EYA2: variants seen among roughly 807,000 people sequenced by gnomAD.
EYA2 encodes the protein EYA transcriptional coactivator and phosphatase 2.
EYA2 carries 31 observed loss-of-function variants against 69.2 expected under a neutral mutation model. The observed-to-expected ratio is 0.45, with a 90% CI of 0.34 to 0.60. EYA2 has a LOEUF of 0.60. Among genes scored for constraint, EYA2 ranks in the 20% least tolerant of loss-of-function variants. The pLI is 0.02. For synonymous variants in EYA2, 257 were observed against 279.4 expected (o/e 0.92, Z 0.80); for missense variants, 622 against 701.2 (o/e 0.89, Z 1.28).
At chr20:46,967,389 C>T (rs1162794528) in intron 1 of EYA2, among the ~76,000 whole-genome samples, 1 of 152,170 alleles carries the variant, frequency 6.6e-6, no homozygotes, top group Non-Finnish European at 1.5e-5. Flanking sequence ...AAGCATTATA[C>T]AATTAAATAC....
chr20:47,178,488 C>CAA (rs11472097), intron 12 of EYA2, among the ~76,000 whole-genome samples: 86,690 of 151,558 alleles, frequency 0.57, 26,670 homozygotes, highest in African/African-American at 0.82. Flanking sequence ...AGGGAACAAA[C>CAA]GAGGCCTCCA....
At chr20:46,947,888 G>A (rs1176270596) in intron 1 of EYA2, among the ~76,000 whole-genome samples, 1 of 152,126 alleles carries the variant, frequency 6.6e-6, no homozygotes, top group African/African-American at 2.4e-5. Flanking sequence ...AGGCCAAGGT[G>A]GGAGGATCTC....
chr20:47,093,321 GC>G (rs1278217310), intron 8 of EYA2, among the ~76,000 whole-genome samples: 2 of 152,248 alleles, frequency 1.3e-5, no homozygotes, highest in African/African-American at 2.4e-5. Flanking sequence ...TCTGGGTCCA[GC>G]CCATGCTGAA....
At chr20:47,113,347 A>T (rs972473013) in intron 9 of EYA2, among the ~76,000 whole-genome samples, 4 of 152,096 alleles carry the variant, frequency 2.6e-5, no homozygotes, top group Admixed American at 6.6e-5. Context: ...CTGCTGTTTC[A>T]TCCTTGAATT....
chr20:47,043,332 GT>G (rs761397706), intron 5 of EYA2, among the ~76,000 whole-genome samples: 1 of 152,186 alleles, frequency 6.6e-6, no homozygotes, highest in Admixed American at 6.5e-5. Context: ...GAAAGGGAAT[GT>G]TTTAAAAGGG....
chr20:47,035,584 G>A (rs537493954), intron 5 of EYA2, among the ~76,000 whole-genome samples: 1 of 152,264 alleles, frequency 6.6e-6, no homozygotes, highest in South Asian at 2.1e-4. Flanking sequence ...GGCAGCTTGG[G>A]ACCCTGAGGC....
intron 2 of EYA2, 102 bp from the exon 3 acceptor site, chr20:47,001,326 C>T (rs1357669757): frequency 1.0e-6 from 1 of 965,546 alleles, no homozygotes; most frequent in Admixed American, 1.7e-5. Flanking sequence ...GGGCAGCACC[C>T]CTCCAAGTCT....
intron 6 of EYA2, 149 bp downstream of exon 6, chr20:47,072,401 T>G (rs1169871465): frequency 2.8e-6 from 2 of 725,630 alleles, no homozygotes; most frequent in Non-Finnish European, 2.4e-6. Flanking sequence ...GGGGCTAGAT[T>G]GTGCAAAAGG....
intron 1 of EYA2, among the ~76,000 whole-genome samples, chr20:46,943,555 C>T (rs1206304668): frequency 2.0e-5 from 3 of 152,180 alleles, no homozygotes; most frequent in African/African-American, 7.2e-5. Flanking sequence ...AGGGAACATT[C>T]GGAGTCTCAG....
intron 1 of EYA2, among the ~76,000 whole-genome samples, chr20:46,973,718 T>G (rs1050490527): frequency 1.3e-5 from 2 of 152,028 alleles, no homozygotes; most frequent in Non-Finnish European, 2.9e-5. Context: ...CTATTCTGTC[T>G]GCTTTTGTAT....
rs917177634 is a variant in EYA2, at chr20:46,978,562, C to G, written c.-10-11439C>G. 5 of 534,768 alleles carry G rather than the reference C, an allele frequency of 9.3e-6. No individual in the cohort carries two copies. In the Admixed American group the frequency reaches 9.7e-5, roughly 10 times the overall value. 33.1% of individuals were successfully genotyped at this position (534,768 alleles called of 1,614,324 possible). ...GATATTGGACAAGGAGAAGCCAGAT[C>G]AAGGCTGTGTTCGGAACTCTTTGCT... On this transcript the variant is annotated intron_variant, in intron 1 of 15. Coordinates refer to ENST00000327619, the MANE Select transcript of EYA2 (RefSeq NM_005244.5).
chr20:47,169,064 C>A, intron 10 of EYA2, 75 bp from the exon 11 acceptor site: 2 of 1,414,534 alleles, frequency 1.4e-6, no homozygotes, highest in Non-Finnish European at 2.0e-6. Context: ...GCTTATGAGG[C>A]CAACCCTTGA....
chr20:47,049,154 A>G (rs1446552920), intron 5 of EYA2, among the ~76,000 whole-genome samples: 1 of 149,944 alleles, frequency 6.7e-6, no homozygotes, highest in South Asian at 2.1e-4. Context: ...TCTATTTTAA[A>G]TTAAGTTTAG....
Position 46,987,916 on chromosome 20 carries a change from G to GACTCTCTCTCCCTCTCCCTC in EYA2, c.-10-2085_-10-2084insACTCTCTCTCCCTCTCCCTC, listed in dbSNP as rs56288405. ...TACTCCAGCCTGGAAGACAGAGTAA[G>GACTCTCTCTCCCTCTCCCTC]TCTCTCTCTCTCTCTCTCTCTCTCT... On this transcript the variant is annotated intron_variant, in intron 1 of 15. Coordinates refer to ENST00000327619, the MANE Select transcript of EYA2 (RefSeq NM_005244.5). Among the ~76,000 whole-genome samples the GACTCTCTCTCCCTCTCCCTC allele has an allele frequency of 9.8e-5, 2 of 20,352 alleles. 1 individual carries two copies. The highest frequency in any genetic ancestry group is 1.9e-4 in the Non-Finnish European group (2 of 10,418). The allele number at this position is 20,352 out of a possible 152,430, so 13.4% of individuals were successfully genotyped here.
intron 1 of EYA2, among the ~76,000 whole-genome samples, chr20:46,913,721 G>C (rs1335398897): frequency 6.6e-6 from 1 of 152,152 alleles, no homozygotes; most frequent in Non-Finnish European, 1.5e-5. Flanking sequence ...TATGAAGAGA[G>C]GAGTCCAAGG....
intron 5 of EYA2, among the ~76,000 whole-genome samples, chr20:47,016,933 G>C (rs6066164): frequency 6.6e-6 from 1 of 152,216 alleles, no homozygotes; most frequent in Non-Finnish European, 1.5e-5. Flanking sequence ...GTCTATTGTA[G>C]AGACTCAGAA....
intron 1 of EYA2, among the ~76,000 whole-genome samples, chr20:46,909,382 A>T (rs1156337946): frequency 6.6e-6 from 1 of 152,106 alleles, no homozygotes; most frequent in African/African-American, 2.4e-5. Flanking sequence ...GGAAAGCTCC[A>T]GGAGCTTTTT....
intron 2 of EYA2, among the ~76,000 whole-genome samples, 172 bp downstream of exon 2, chr20:46,990,291 C>T (rs930395893): frequency 2.0e-5 from 3 of 152,256 alleles, no homozygotes; most frequent in Admixed American, 1.3e-4. Context: ...ACATCTCTAA[C>T]AACTCTGTCT....
At chr20:46,976,148 C>A (rs577070553) in intron 1 of EYA2, among the ~76,000 whole-genome samples, 1 of 152,252 alleles carries the variant, frequency 6.6e-6, no homozygotes, top group East Asian at 1.9e-4. Flanking sequence ...ATCACTTGAA[C>A]CCAGGAGTTG....
Sources: gnomAD v4.1 joint callset for allele counts (sites outside exome capture counted in the v4.1 genomes callset) on GRCh38, gnomAD v4.1.1 for gene constraint, MANE v1.5 for transcripts, NCBI Gene and HGNC (gene_info 2026-07-23, HGNC 2026-07-21) for gene names.